Variants in AMOT observed in about 807,000 individuals in gnomAD.
AMOT encodes the protein angiomotin.
In AMOT, 11 loss-of-function variants were observed where a neutral mutation model predicts 67.0. That is an observed-to-expected ratio of 0.16 (90% CI 0.10 to 0.27). The LOEUF (loss-of-function observed/expected upper bound fraction) is 0.27, where lower values mean the gene tolerates loss of function less well. AMOT is among the 10% of genes least tolerant of loss of function. The pLI is 1.00. For synonymous variants in AMOT, 326 were observed against 321.4 expected (o/e 1.01, Z -0.15); for missense variants, 753 against 852.0 (o/e 0.88, Z 1.45).
chrX:112,810,736 GA>G (rs1172361438), intron 6 of AMOT, among the ~76,000 whole-genome samples: 3 of 105,238 alleles, frequency 2.9e-5, no homozygotes, highest in African/African-American at 6.9e-5. Flanking sequence ...AAAGAAAAAG[GA>G]AAAAAAAAAG....
intron 10 of AMOT, among the ~76,000 whole-genome samples, chrX:112,785,992 T>C (rs1933352558): frequency 1.8e-5 from 2 of 112,074 alleles, no homozygotes; most frequent in African/African-American, 6.5e-5. Context: ...TACACTGGAG[T>C]GAAAGTGACT....
At chrX:112,790,805 C>A (rs764303874) in intron 9 of AMOT, 23 bp from the exon 10 acceptor site, 8 of 1,136,699 alleles carry the variant, frequency 7.0e-6, no homozygotes, top group Non-Finnish European at 9.3e-6. Context: ...ATGCAGAGAA[C>A]CCTCAAGTTA....
In AMOT at chrX:112,811,235, G is replaced by A. The variant is rs754636409; in HGVS notation, c.1537+14C>T. On this transcript the variant is annotated intron_variant, in intron 6 of 13. Transcript: ENST00000371959. ...GCTTCAGAAGTACAAAGACAAGTCTGTTGGTTCCCTCACCTCTCAGATCCC... is the reference window on the plus strand; with the variant it reads ...GCTTCAGAAGTACAAAGACAAGTCTATTGGTTCCCTCACCTCTCAGATCCC... 8.3e-7 allele frequency: 1 copy of A among 1,209,374 alleles called. No homozygotes were observed. Among genetic ancestry groups the A allele is most frequent in the Non-Finnish European group, 1.1e-6 (1 of 894,027 alleles).
chrX:112,805,370 TACAC>T (rs55909349), intron 7 of AMOT, among the ~76,000 whole-genome samples: 34,787 of 89,136 alleles, frequency 0.39, 6,693 homozygotes, highest in East Asian at 0.53. Flanking sequence ...ATACAAAGAA[TACAC>T]ACACACACAC....
Position 112,832,429 on chromosome X carries a change from C to G in AMOT, c.-288-59G>C, listed in dbSNP as rs368695115. On this transcript the variant is annotated intron_variant, in intron 1 of 13. Coordinates refer to ENST00000371959, the MANE Select transcript of AMOT (RefSeq NM_001113490.2). Reference sequence around the variant, plus strand: ...CATTTTAGAACTGGAGAGGGAAGCTCAAGTCCAGAACAGATAGCTAATCAT... The same window carrying G: ...CATTTTAGAACTGGAGAGGGAAGCTGAAGTCCAGAACAGATAGCTAATCAT... The G allele has an allele frequency of 1.5e-4, 17 of 111,708 alleles. No homozygotes were observed. The East Asian group carries it at 4.5e-3, about 30-fold the overall frequency. 9.2% of individuals were successfully genotyped at this position (111,708 alleles called of 1,213,427 possible). A position where few individuals can be genotyped will look rare whatever the true frequency, so the allele number is the denominator to read the frequency against.
At chrX:112,835,394 C>T (rs1409909662) in intron 1 of AMOT, among the ~76,000 whole-genome samples, 3 of 110,030 alleles carry the variant, frequency 2.7e-5, no homozygotes, top group Non-Finnish European at 5.7e-5. Flanking sequence ...CAAGAATTGC[C>T]TTAGGAAACA....
At chrX:112,797,163 C>G (rs1382298217) in intron 8 of AMOT, among the ~76,000 whole-genome samples, 3 of 111,560 alleles carry the variant, frequency 2.7e-5, no homozygotes, top group Non-Finnish European at 5.7e-5. Flanking sequence ...ATAGTTCAGT[C>G]ATCATCATCA....
chrX:112,819,975 A>C (rs1934670630), intron 4 of AMOT, among the ~76,000 whole-genome samples: 1 of 112,329 alleles, frequency 8.9e-6, no homozygotes, highest in South Asian at 3.7e-4. Flanking sequence ...AAGGAAATAA[A>C]GGAGGGAAAA....
At position 112,823,081 on chromosome X, in the gene AMOT, G is replaced by C. The variant is rs1179494228; in HGVS notation, c.46C>G (p.Gln16Glu). The change falls in exon 4 of 14, where the codon CAG becomes GAG. Residue 16 changes from glutamine to glutamate, a missense_variant. Physicochemically the swap from Gln to Glu is conservative, Grantham distance 29. This residue lies in a region of AMOT where 118 missense variants were observed against 125.9 expected (regional missense o/e 0.94). Coordinates refer to ENST00000371959, the MANE Select transcript of AMOT (RefSeq NM_001113490.2). Reference protein sequence around the residue: ...EQPSGGTTVLQRLLQEQLRYG... With the variant: ...EQPSGGTTVLERLLQEQLRYG... The stretch of plus-strand genomic sequence containing the variant: ...CGAAGCTGCTCTTGTAGCAAACGCT[G>C]CAATACCGTGGTCCCTCCACTTGGC... 1 of 1,166,467 alleles carries C rather than the reference G, an allele frequency of 8.6e-7. No individual in the cohort carries two copies. Among genetic ancestry groups the C allele is most frequent in the Admixed American group, 2.6e-5 (1 of 38,664 alleles).
chrX:112,837,365 C>T (rs999234436), intron 1 of AMOT, among the ~76,000 whole-genome samples: 2 of 111,725 alleles, frequency 1.8e-5, no homozygotes, highest in Non-Finnish European at 3.8e-5. Flanking sequence ...AATATGCTTC[C>T]GAGAAGGCCC....
intron 4 of AMOT, among the ~76,000 whole-genome samples, chrX:112,817,404 G>A (rs995817162): frequency 8.9e-6 from 1 of 112,199 alleles, no homozygotes; most frequent in Admixed American, 9.4e-5. Context: ...AATTCATGGT[G>A]GAACTGGGAC....
Position 112,790,677 on chromosome X carries a change from T to C in AMOT, c.2032A>G (p.Met678Val). The part of the protein sequence containing the change: ...EERILALEAD[M>V]TKWEQKYLEE... Reference sequence around the variant, plus strand: ...AAATATTTCTGCTCCCACTTTGTCATATCAGCTTCCAGAGCCAGAATCCTC... The same window carrying C: ...AAATATTTCTGCTCCCACTTTGTCACATCAGCTTCCAGAGCCAGAATCCTC... The change falls in exon 10 of 14, where the codon ATG becomes GTG. Residue 678 changes from methionine (M) to valine (V), a missense_variant. Coordinates refer to ENST00000371959, the MANE Select transcript of AMOT (RefSeq NM_001113490.2). The C allele has an allele frequency of 3.3e-6, 4 of 1,211,199 alleles. No individual in the cohort carries two copies. The highest frequency in any genetic ancestry group is 3.0e-5 in the East Asian group (1 of 33,768).
chrX:112,783,294 C>CA (rs377256668), intron 10 of AMOT, among the ~76,000 whole-genome samples: 2,112 of 49,617 alleles, frequency 0.043, 31 homozygotes, highest in African/African-American at 0.05. Context: ...GACTCTGTCT[C>CA]AAAAAAAAAA....
Position 112,815,969 on chromosome X carries a change from T to C in AMOT, c.873-92A>G, listed in dbSNP as rs781469329. ...AAAAGTGAGATGAGGAGGCTTCTGATGCCCCCAGGACACCTGCAAAATGAA... is the reference window on the plus strand; with the variant it reads ...AAAAGTGAGATGAGGAGGCTTCTGACGCCCCCAGGACACCTGCAAAATGAA... On this transcript the variant is annotated intron_variant, in intron 4 of 13. Coordinates refer to ENST00000371959, the MANE Select transcript of AMOT (RefSeq NM_001113490.2). 2.5e-4 allele frequency: 270 copies of C among 1,090,511 alleles called. No individual in the cohort carries two copies. In the Middle Eastern group the frequency reaches 3.1e-3, roughly 13 times the overall value. 89.9% of individuals were successfully genotyped at this position (1,090,511 alleles called of 1,213,427 possible). A position where few individuals can be genotyped will look rare whatever the true frequency, so the allele number is the denominator to read the frequency against.
chrX:112,782,522 T>C lies in AMOT; in HGVS notation c.2240+18A>G, dbSNP rs767140018. The C allele has an allele frequency of 1.7e-6, 2 of 1,209,129 alleles. No homozygotes were observed. The highest frequency in any genetic ancestry group is 3.5e-5 in the African/African-American group (2 of 56,960). ...TATCAATGTCTCAGATTCCTCAGGG[T>C]CCAGAACAACATTTTACCTGCCCTC... On this transcript the variant is annotated intron_variant, in intron 11 of 13. Transcript: ENST00000371959.
intron 1 of AMOT, among the ~76,000 whole-genome samples, chrX:112,837,489 TTTTC>T (rs909207938): frequency 4.5e-5 from 5 of 111,855 alleles, no homozygotes; most frequent in African/African-American, 1.6e-4. Context: ...TGACCTCCTA[TTTTC>T]TTTCTTTCTT....
At chrX:112,837,817 A>G (rs780702438) in intron 1 of AMOT, among the ~76,000 whole-genome samples, 25 of 111,897 alleles carry the variant, frequency 2.2e-4, no homozygotes, top group African/African-American at 5.2e-4. Flanking sequence ...TCACAATTCT[A>G]AACAAATTGG....
At position 112,822,949 on chromosome X, in the gene AMOT, C is replaced by A; in HGVS notation, c.178G>T (p.Asp60Tyr). Residue 60 changes from aspartate to tyrosine, a missense_variant, in exon 4 of 14, where the codon GAT (aspartate) becomes TAT (tyrosine). Asp to Tyr is a radical substitution (Grantham distance 160, BLOSUM62 -3). Coordinates refer to ENST00000371959, the MANE Select transcript of AMOT (RefSeq NM_001113490.2). ...TGGTGGTCTTGGGGACTCAACACAT[C>A]ACTCTGAGGGCCCGGGTTCCCACTG... Reference protein sequence around the residue: ...SGSGNPGPQSDVLSPQDHHQQ... With the variant: ...SGSGNPGPQSYVLSPQDHHQQ... 8.6e-7 allele frequency: 1 copy of A among 1,167,682 alleles called. No homozygotes were observed. The highest frequency in any genetic ancestry group is 3.3e-5 in the East Asian group (1 of 30,756).
intron 1 of AMOT, among the ~76,000 whole-genome samples, chrX:112,834,530 T>C (rs1186164139): frequency 8.9e-6 from 1 of 111,959 alleles, no homozygotes; most frequent in Non-Finnish European, 1.9e-5. Flanking sequence ...GCCACATTTA[T>C]ATTTCATGTT....
Sources: gnomAD v4.1 joint callset for allele counts (sites outside exome capture counted in the v4.1 genomes callset) on GRCh38, gnomAD v4.1.1 for gene constraint, gnomAD v4.1.1 regional missense constraint, MANE v1.5 for transcripts, NCBI Gene and HGNC (gene_info 2026-07-23, HGNC 2026-07-21) for gene names.